COL19A1: variants seen among roughly 807,000 people sequenced by gnomAD.
The protein encoded by COL19A1 is collagen alpha-1(XIX) chain.
A neutral mutation model predicts 190.2 loss-of-function variants in COL19A1; 159 were observed. That is an observed-to-expected ratio of 0.84 (90% confidence interval 0.73 to 0.95). COL19A1 has a LOEUF of 0.95. Among genes scored for constraint, COL19A1 ranks in the 40% least tolerant of loss-of-function variants. The pLI is 0.00. For synonymous variants in COL19A1, 509 were observed against 458.9 expected (o/e 1.11, Z -1.39); for missense variants, 1,418 against 1,431.9 (o/e 0.99, Z 0.16).
At position 69,921,471 on chromosome 6, in the gene COL19A1, CATATATTCAT is replaced by C. The variant is rs1214904208; in HGVS notation, c.267-6405_267-6396del. Among the ~76,000 whole-genome samples the C allele has an allele frequency of 3.7e-3, 36 of 9,826 alleles. 2 individuals carry two copies. Among genetic ancestry groups the C allele is most frequent in the East Asian group, 0.026 (3 of 114 alleles). 6.4% of individuals were successfully genotyped at this position (9,826 alleles called of 152,430 possible). ...ATATATCATATATATCATATATATT[CATATATTCAT>C]ATATATTCATATATATTCATATATA... On this transcript the variant is annotated intron_variant, in intron 4 of 50. Transcript: ENST00000620364.
chr6:70,160,183 C>A (rs573763061), intron 34 of COL19A1, among the ~76,000 whole-genome samples: 1 of 152,018 alleles, frequency 6.6e-6, no homozygotes, highest in African/African-American at 2.4e-5. Context: ...CACAGCTCCA[C>A]GTGGCTGGGG....
At chr6:70,020,563 G>A (rs1415267479) in intron 11 of COL19A1, among the ~76,000 whole-genome samples, 1 of 152,108 alleles carries the variant, frequency 6.6e-6, no homozygotes, top group Non-Finnish European at 1.5e-5. Flanking sequence ...GCTTTGATAT[G>A]TTGTAGGATT....
chr6:70,097,377 C>T (rs1393221300), intron 15 of COL19A1, among the ~76,000 whole-genome samples: 2 of 152,078 alleles, frequency 1.3e-5, no homozygotes, highest in Non-Finnish European at 2.9e-5. Flanking sequence ...CCAGGATTGT[C>T]TTCCTTTTTA....
intron 9 of COL19A1, among the ~76,000 whole-genome samples, chr6:69,943,999 G>A (rs1407883541): frequency 6.6e-6 from 1 of 151,314 alleles, no homozygotes; most frequent in African/African-American, 2.5e-5. Context: ...ATAATGTGTA[G>A]AGCTCTCCCC....
intron 16 of COL19A1, among the ~76,000 whole-genome samples, chr6:70,115,285 C>T (rs947477181): frequency 2.6e-5 from 4 of 152,138 alleles, no homozygotes; most frequent in Non-Finnish European, 5.9e-5. Context: ...CTTGGTTCTA[C>T]CATTCATGTG....
intron 46 of COL19A1, among the ~76,000 whole-genome samples, chr6:70,185,476 G>T (rs1359792758): frequency 6.6e-6 from 1 of 152,172 alleles, no homozygotes; most frequent in Non-Finnish European, 1.5e-5. Flanking sequence ...AGTAAAGAAG[G>T]TGGTGTGAGG....
intron 37 of COL19A1, 97 bp from the exon 38 acceptor site, chr6:70,167,928 A>C (rs980847118): frequency 2.0e-5 from 17 of 865,886 alleles, no homozygotes; most frequent in Non-Finnish European, 2.8e-5. Flanking sequence ...AAAGTAAAAA[A>C]TAGAATAGGA....
At position 70,137,893 on chromosome 6, in the gene COL19A1, C is replaced by T. The variant is rs910362299; in HGVS notation, c.1446+146C>T. On this transcript the variant is annotated intron_variant, in intron 19 of 50. Coordinates refer to ENST00000620364, the MANE Select transcript of COL19A1 (RefSeq NM_001858.6). ...CAGATCTTCAAGCAAGTACTAGCTA[C>T]GCTATGCACTAAGTCTCTTACATGT... is the stretch of plus-strand genomic sequence containing the variant. The T allele has an allele frequency of 7.8e-5, 54 of 690,494 alleles. No individual in the cohort carries two copies. The East Asian group carries it at 9.4e-4, about 12-fold the overall frequency. 42.8% of individuals were successfully genotyped at this position (690,494 alleles called of 1,614,324 possible). A position where few individuals can be genotyped will look rare whatever the true frequency, so the allele number is the denominator to read the frequency against.
At chr6:70,159,687 C>A (rs926514567) in intron 34 of COL19A1, among the ~76,000 whole-genome samples, 2 of 152,116 alleles carry the variant, frequency 1.3e-5, no homozygotes, top group Admixed American at 1.3e-4. Flanking sequence ...AAACTTGATC[C>A]AGCTCACAGT....
chr6:69,885,315 G>C (rs1358368471), intron 2 of COL19A1, among the ~76,000 whole-genome samples: 1 of 151,842 alleles, frequency 6.6e-6, no homozygotes, highest in Non-Finnish European at 1.5e-5. Context: ...GATCTGTTAA[G>C]GTTCTCTAAG....
intron 11 of COL19A1, among the ~76,000 whole-genome samples, chr6:69,979,675 T>G (rs1245146419): frequency 6.6e-6 from 1 of 151,606 alleles, no homozygotes; most frequent in Non-Finnish European, 1.5e-5. Flanking sequence ...AAACTACCTT[T>G]TTTTACTAAT....
intron 11 of COL19A1, among the ~76,000 whole-genome samples, chr6:69,979,739 T>TTC (rs1160682114): frequency 6.6e-6 from 1 of 151,532 alleles, no homozygotes; most frequent in Non-Finnish European, 1.5e-5. Flanking sequence ...AATTTAGAAT[T>TTC]TAGATACCAG....
intron 2 of COL19A1, among the ~76,000 whole-genome samples, chr6:69,887,230 G>A (rs561508899): frequency 5.9e-5 from 9 of 152,170 alleles, no homozygotes; most frequent in African/African-American, 2.2e-4. Flanking sequence ...GACTTGTTTT[G>A]CTAATCACCT....
intron 44 of COL19A1, among the ~76,000 whole-genome samples, chr6:70,182,558 G>A (rs975238043): frequency 2.6e-5 from 4 of 152,182 alleles, no homozygotes; most frequent in African/African-American, 9.6e-5. Context: ...TGCTTCAACT[G>A]TTAGGAAGAC....
At chr6:70,010,402 G>C (rs536049701) in intron 11 of COL19A1, among the ~76,000 whole-genome samples, 3 of 148,256 alleles carry the variant, frequency 2.0e-5, no homozygotes, top group East Asian at 2.2e-4. Flanking sequence ...AGCTCCCAGC[G>C]TGAGCGACGC....
chr6:69,882,507 G>A (rs1768630009), intron 2 of COL19A1, among the ~76,000 whole-genome samples: 2 of 152,094 alleles, frequency 1.3e-5, no homozygotes, highest in African/African-American at 4.8e-5. Flanking sequence ...TATAGACTAT[G>A]TATCAAATAA....
At chr6:69,896,409 T>C (rs6899719) in intron 2 of COL19A1, among the ~76,000 whole-genome samples, 40,250 of 150,688 alleles carry the variant, frequency 0.27, 5,992 homozygotes, top group African/African-American at 0.4. Flanking sequence ...CGGTGGCGGG[T>C]GCCTGTAGTC....
chr6:70,023,246 G>A (rs1778524241), intron 11 of COL19A1, among the ~76,000 whole-genome samples: 1 of 149,910 alleles, frequency 6.7e-6, no homozygotes, highest in Admixed American at 6.8e-5. Context: ...CAATTCTTCT[G>A]CCTCAGCCTC....
At chr6:70,076,486 T>G (rs951645186) in intron 15 of COL19A1, among the ~76,000 whole-genome samples, 1 of 152,188 alleles carries the variant, frequency 6.6e-6, no homozygotes, top group African/African-American at 2.4e-5. Flanking sequence ...CTTTATGGTC[T>G]CCACACATTG....
Sources: allele counts gnomAD v4.1 joint callset (sites outside exome capture counted in the v4.1 genomes callset), GRCh38; gene constraint gnomAD v4.1.1; transcripts MANE v1.5; gene names NCBI Gene and HGNC (gene_info 2026-07-23, HGNC 2026-07-21).